Variants in DHRSX observed in about 807,000 individuals in gnomAD.
The protein encoded by DHRSX is polyprenol dehydrogenase.
Under a neutral mutation model 34.0 loss-of-function variants are expected in DHRSX, and 31 were observed. The observed-to-expected ratio is 0.91, with a 90% CI of 0.69 to 1.23. The LOEUF (loss-of-function observed/expected upper bound fraction) is 1.23. Ranked by LOEUF, DHRSX falls within the 50% of genes most tolerant of loss-of-function variation. The probability of loss-of-function intolerance (pLI) is 0.00; values close to 1 mark genes in which losing one functional copy is unlikely to be tolerated. For missense variants in DHRSX, 414 were observed against 428.1 expected (o/e 0.97, Z 0.29); for synonymous variants, 201 against 183.8 (o/e 1.09, Z -0.76).
Position 2,500,917 on chromosome X carries a change from T to C in DHRSX, c.9A>G (p.Pro3=). The change falls in exon 1 of 7, where the codon CCA becomes CCG. Residue 3 remains proline, a synonymous_variant. Coordinates refer to ENST00000334651, the MANE Select transcript of DHRSX (RefSeq NM_145177.3). ...GCAGGGCCGCCCGCGCCGCAGACAA[T>C]GGCGACATGGCTGCCCCGGCCGCGC... MS[P]LSAARAALRV... is the part of the protein sequence containing the mutation. 1 of 1,091,292 alleles carries C rather than the reference T, an allele frequency of 9.2e-7. No homozygotes were observed. Among genetic ancestry groups the C allele is most frequent in the Non-Finnish European group, 1.1e-6 (1 of 898,712 alleles). The allele number at this position is 1,091,292 out of a possible 1,614,324, so 67.6% of individuals were successfully genotyped here. A position where few individuals can be genotyped will look rare whatever the true frequency, so the allele number is the denominator to read the frequency against.
chrX:2,268,263 G>A (rs994086050), intron 4 of DHRSX, among the ~76,000 whole-genome samples: 1 of 152,158 alleles, frequency 6.6e-6, no homozygotes, highest in African/African-American at 2.4e-5. Flanking sequence ...AAACACGCAC[G>A]AACCATACTG....
intron 1 of DHRSX, among the ~76,000 whole-genome samples, chrX:2,449,493 T>A (rs760004326): frequency 1.3e-5 from 2 of 152,232 alleles, no homozygotes; most frequent in East Asian, 3.9e-4. Flanking sequence ...CCTATCTTTT[T>A]AAATTTATTG....
At chrX:2,304,312 A>AATGGATGG (rs766851673) in intron 3 of DHRSX, among the ~76,000 whole-genome samples, 1 of 97,184 alleles carries the variant, frequency 1.0e-5, no homozygotes, top group South Asian at 3.4e-4. Flanking sequence ...TGGATGGATG[A>AATGGATGG]ATGGATGGAT....
intron 1 of DHRSX, among the ~76,000 whole-genome samples, chrX:2,461,143 C>T (rs1371715738): frequency 6.6e-6 from 1 of 152,178 alleles, no homozygotes; most frequent in Non-Finnish European, 1.5e-5. Context: ...CTTGTGGATC[C>T]AGTTTTGGAA....
chrX:2,349,623 G>A (rs1182159381), intron 3 of DHRSX, among the ~76,000 whole-genome samples: 1 of 151,960 alleles, frequency 6.6e-6, no homozygotes, highest in African/African-American at 2.4e-5. Context: ...GGAGGCGGAG[G>A]TTGCAGTGAG....
At chrX:2,260,408 C>G (rs1419500812) in intron 5 of DHRSX, among the ~76,000 whole-genome samples, 12 of 152,094 alleles carry the variant, frequency 7.9e-5, no homozygotes, top group Non-Finnish European at 1.5e-5. Context: ...ACCTCCATCT[C>G]CATCTCCATG....
At chrX:2,468,628 TGTACAC>T (rs2044535801) in intron 1 of DHRSX, among the ~76,000 whole-genome samples, 1 of 151,350 alleles carries the variant, frequency 6.6e-6, no homozygotes, top group Admixed American at 6.6e-5. Flanking sequence ...ACCGCCGCCA[TGTACAC>T]ACTGAAGACA....
intron 3 of DHRSX, among the ~76,000 whole-genome samples, chrX:2,389,901 C>T (rs1352078388): frequency 6.6e-6 from 1 of 152,142 alleles, no homozygotes; most frequent in Non-Finnish European, 1.5e-5. Flanking sequence ...CTGCCTCAGC[C>T]TCCCGAGGAG....
At chrX:2,489,850 G>A in intron 1 of DHRSX, 1 of 1,613,710 alleles carries the variant, frequency 6.2e-7, no homozygotes. Context: ...TGTGGCCCAG[G>A]CAGGGCATGT....
At chrX:2,372,168 ACT>A (rs2043080259) in intron 3 of DHRSX, among the ~76,000 whole-genome samples, 1 of 152,296 alleles carries the variant, frequency 6.6e-6, no homozygotes, top group East Asian at 1.9e-4. Context: ...AAGAAAACAC[ACT>A]GTTATGTAAT....
At chrX:2,303,671 C>T (rs2042041898) in intron 3 of DHRSX, among the ~76,000 whole-genome samples, 1 of 152,088 alleles carries the variant, frequency 6.6e-6, no homozygotes, top group Non-Finnish European at 1.5e-5. Context: ...CAGATGGATG[C>T]ATGCATGGAC....
chrX:2,353,582 G>A (rs2042813023), intron 3 of DHRSX, among the ~76,000 whole-genome samples: 1 of 118,702 alleles, frequency 8.4e-6, no homozygotes, highest in African/African-American at 3.1e-5. Flanking sequence ...ATAGCTGATT[G>A]CATTTTTTTT....
chrX:2,343,432 C>T (rs1328763431), intron 3 of DHRSX, among the ~76,000 whole-genome samples: 13 of 152,194 alleles, frequency 8.5e-5, no homozygotes, highest in Non-Finnish European at 1.5e-5. Context: ...AGGCATCATG[C>T]CTACAGGAGC....
intron 3 of DHRSX, among the ~76,000 whole-genome samples, chrX:2,344,099 G>A (rs1327979178): frequency 2.0e-5 from 3 of 152,198 alleles, no homozygotes; most frequent in Non-Finnish European, 4.4e-5. Flanking sequence ...CATGGGCCTG[G>A]TTTTCTATCT....
intron 5 of DHRSX, among the ~76,000 whole-genome samples, chrX:2,249,017 A>G (rs973333893): frequency 6.6e-6 from 1 of 152,104 alleles, no homozygotes; most frequent in African/African-American, 2.4e-5. Context: ...TTCAGCTTGC[A>G]AAATCAGAGG....
In DHRSX at chrX:2,414,966, T is replaced by A. The variant is rs1421444462; in HGVS notation, c.218-6153A>T. Among the ~76,000 whole-genome samples, 7 of 151,916 alleles carry A rather than the reference T, an allele frequency of 4.6e-5. No individual in the cohort carries two copies. In the South Asian group the frequency reaches 1.2e-3, roughly 27 times the overall value. ...AACCTAACCCAACTAGACCTCATCA[T>A]GACATGAGACAACTAGATCTCATCA... is the stretch of plus-strand genomic sequence containing the variant. On this transcript the variant is annotated intron_variant, in intron 2 of 6. Transcript: ENST00000334651.
chrX:2,439,148 CAAA>C (rs781530860), intron 1 of DHRSX, among the ~76,000 whole-genome samples: 3 of 104,260 alleles, frequency 2.9e-5, no homozygotes, highest in African/African-American at 7.6e-5. Context: ...TTTTTTGTCT[CAAA>C]AAAAAAAAAG....
intron 3 of DHRSX, among the ~76,000 whole-genome samples, chrX:2,333,050 C>T (rs1053614275): frequency 3.3e-5 from 5 of 152,114 alleles, no homozygotes; most frequent in African/African-American, 1.2e-4. Flanking sequence ...TTTCTTTGCT[C>T]GTTTTGCTAT....
chrX:2,471,703 AG>A (rs1363742223), intron 1 of DHRSX, among the ~76,000 whole-genome samples: 2 of 152,158 alleles, frequency 1.3e-5, no homozygotes, highest in African/African-American at 4.8e-5. Context: ...ATCACTCCAC[AG>A]TTTCCCGGAA....
Sources: allele counts gnomAD v4.1 joint callset (sites outside exome capture counted in the v4.1 genomes callset), GRCh38; gene constraint gnomAD v4.1.1; transcripts MANE v1.5; gene names NCBI Gene and HGNC (gene_info 2026-07-23, HGNC 2026-07-21).